The following OR51B5 variants were observed in gnomAD, a reference collection of about 807,000 sequenced individuals.
The protein encoded by OR51B5 is olfactory receptor family 51 subfamily B member 5.
For synonymous variants in OR51B5, 186 were observed against 144.8 expected, an observed-to-expected ratio of 1.28 and a Z score of -2.04; for missense variants, 456 against 374.6, an observed-to-expected ratio of 1.22 and a Z score of -1.79.
chr11:5,483,299 C>G (rs3964493), intron 1 of OR51B5, among the ~76,000 whole-genome samples: 5 of 127,354 alleles, frequency 3.9e-5, no homozygotes, highest in African/African-American at 1.5e-4. Flanking sequence ...TAGGTGGGAA[C>G]TGAACAATGA....
chr11:5,454,353 C>A (rs776665902), intron 1 of OR51B5: 1 of 1,613,984 alleles, frequency 6.2e-7, no homozygotes, highest in South Asian at 1.1e-5. Flanking sequence ...TGTGCTCAAC[C>A]CTCTCATTTA....
chr11:5,440,822 TATG>T (rs776110686), intron 1 of OR51B5: 6 of 1,613,894 alleles, frequency 3.7e-6, no homozygotes, highest in Non-Finnish European at 4.2e-6. Context: ...GTTCCTGGGA[TATG>T]ATGACCAGCA....
At chr11:5,377,403 G>C (rs1849544231) in intron 1 of OR51B5, among the ~76,000 whole-genome samples, 2 of 152,162 alleles carry the variant, frequency 1.3e-5, no homozygotes, top group Admixed American at 1.3e-4. Context: ...ACTGGCACAA[G>C]ACAGGGATGC....
At chr11:5,503,766 T>A (rs1325646863) in intron 1 of OR51B5, among the ~76,000 whole-genome samples, 2 of 141,880 alleles carry the variant, frequency 1.4e-5, no homozygotes, top group Non-Finnish European at 3.1e-5. Context: ...GTGTAGATAC[T>A]CGCAGGACTC....
intron 1 of OR51B5, chr11:5,441,535 G>A (rs747442144): frequency 1.9e-6 from 3 of 1,580,700 alleles, no homozygotes; most frequent in Non-Finnish European, 2.6e-6. Flanking sequence ...TATAGATAGG[G>A]AATGGACCCA....
At chr11:5,473,310 A>C (rs1043203919) in intron 1 of OR51B5, among the ~76,000 whole-genome samples, 6 of 152,290 alleles carry the variant, frequency 3.9e-5, no homozygotes, top group Admixed American at 1.3e-4. Flanking sequence ...AAACTAATGT[A>C]AGGGTCTTAA....
chr11:5,393,564 A>G (rs1243802070), intron 1 of OR51B5, among the ~76,000 whole-genome samples: 2 of 152,206 alleles, frequency 1.3e-5, no homozygotes, highest in African/African-American at 2.4e-5. Flanking sequence ...GCATTTTACA[A>G]TGACTATAAA....
At chr11:5,477,186 G>A (rs1026244827) in intron 1 of OR51B5, among the ~76,000 whole-genome samples, 4 of 152,028 alleles carry the variant, frequency 2.6e-5, no homozygotes, top group Non-Finnish European at 4.4e-5. Context: ...ACTGAATTTC[G>A]TGAGCGCCAG....
At chr11:5,500,258 G>C (rs2133820074) in intron 1 of OR51B5, among the ~76,000 whole-genome samples, 1 of 152,268 alleles carries the variant, frequency 6.6e-6, no homozygotes, top group East Asian at 1.9e-4. Flanking sequence ...AAATCACCAT[G>C]CTCACTAATA....
chr11:5,479,544 C>A (rs1459118096), intron 1 of OR51B5, among the ~76,000 whole-genome samples: 1 of 150,184 alleles, frequency 6.7e-6, no homozygotes, highest in Non-Finnish European at 1.5e-5. Flanking sequence ...ACTAAATGCT[C>A]CAATTAAAAG....
intron 1 of OR51B5, among the ~76,000 whole-genome samples, chr11:5,372,932 C>T (rs556826298): frequency 6.6e-6 from 1 of 152,258 alleles, no homozygotes; most frequent in Admixed American, 6.5e-5. Flanking sequence ...TATTACAAAG[C>T]TATAGTAACC....
intron 1 of OR51B5, among the ~76,000 whole-genome samples, chr11:5,421,025 G>A (rs1850326059): frequency 1.3e-5 from 2 of 152,144 alleles, no homozygotes; most frequent in Admixed American, 1.3e-4. Context: ...ACTAATTTTT[G>A]AGAGATTGTA....
chr11:5,389,618 C>G, intron 1 of OR51B5: 1 of 1,613,794 alleles, frequency 6.2e-7, no homozygotes, highest in South Asian at 1.1e-5. Flanking sequence ...CATGTACTAT[C>G]TACTATCCTT....
At chr11:5,398,901 C>T (rs1043669270) in intron 1 of OR51B5, among the ~76,000 whole-genome samples, 1 of 152,182 alleles carries the variant, frequency 6.6e-6, no homozygotes, top group African/African-American at 2.4e-5. Flanking sequence ...ATTACCCAGT[C>T]TCAGGTAGTA....
intron 1 of OR51B5, among the ~76,000 whole-genome samples, chr11:5,409,744 T>G (rs1850115027): frequency 6.6e-6 from 1 of 152,194 alleles, no homozygotes; most frequent in Non-Finnish European, 1.5e-5. Context: ...GAAGCACTAT[T>G]TCAAGAGATA....
At chr11:5,489,009 G>C (rs547160579) in intron 1 of OR51B5, 2 of 1,614,050 alleles carry the variant, frequency 1.2e-6, no homozygotes, top group African/African-American at 2.7e-5. Flanking sequence ...GTGGATGCCT[G>C]GCCCAGATGT....
chr11:5,452,593 A>G (rs1850873533), intron 1 of OR51B5, among the ~76,000 whole-genome samples: 1 of 148,070 alleles, frequency 6.8e-6, no homozygotes, highest in Admixed American at 6.8e-5. Flanking sequence ...CGACTTTACG[A>G]GATATGGAGA....
chr11:5,421,309 A>G (rs1850332553), intron 1 of OR51B5, among the ~76,000 whole-genome samples: 2 of 152,232 alleles, frequency 1.3e-5, no homozygotes. Flanking sequence ...TAAGCTGAGA[A>G]AACAGAAGCC....
At chr11:5,492,778 AG>A (rs1282473030) in intron 1 of OR51B5, among the ~76,000 whole-genome samples, 1 of 152,136 alleles carries the variant, frequency 6.6e-6, no homozygotes, top group Non-Finnish European at 1.5e-5. Context: ...CTGGGATTAC[AG>A]GTGCATCCCA....
Sources: allele counts gnomAD v4.1 joint callset (sites outside exome capture counted in the v4.1 genomes callset), GRCh38; gene constraint gnomAD v4.1.1; transcripts MANE v1.5; gene names NCBI Gene and HGNC (gene_info 2026-07-23, HGNC 2026-07-21).